The following MAT2A variants were observed in gnomAD, a reference collection of about 807,000 sequenced individuals.
The protein encoded by MAT2A is S-adenosylmethionine synthase isoform type-2.
MAT2A carries 3 observed loss-of-function variants against 43.9 expected under a neutral mutation model. The observed-to-expected ratio is 0.07, with a 90% confidence interval of 0.03 to 0.18. MAT2A has a LOEUF of 0.18. MAT2A is among the 10% of genes least tolerant of loss of function. MAT2A has a pLI of 1.00. For synonymous variants in MAT2A, 200 were observed against 168.4 expected, an observed-to-expected ratio of 1.19 and a Z score of -1.45; for missense variants, 204 against 489.0, an observed-to-expected ratio of 0.42 and a Z score of 5.50.
At chr2:85,542,828 T>G in intron 7 of MAT2A, 73 bp from the exon 8 acceptor site, 3 of 1,564,834 alleles carry the variant, frequency 1.9e-6, no homozygotes, top group Non-Finnish European at 2.6e-6. Context: ...AACTACTTGT[T>G]TTATACCAAC....
rs759221502 is a variant in MAT2A, at chr2:85,539,426, G to A, written c.91+48G>A. ...AGCGTGGGGCGGGGCAGAAGGCAGCGCCAAGGTCCGGCTGGCTGCGGCCGG... is the reference window on the plus strand; with the variant it reads ...AGCGTGGGGCGGGGCAGAAGGCAGCACCAAGGTCCGGCTGGCTGCGGCCGG... On this transcript the variant is annotated intron_variant, in intron 1 of 8. Coordinates refer to ENST00000306434, the MANE Select transcript of MAT2A (RefSeq NM_005911.6). 2.7e-6 allele frequency: 4 copies of A among 1,466,432 alleles called. No homozygotes were observed. In the African/African-American group the frequency reaches 4.4e-5, roughly 16 times the overall value. The allele number at this position is 1,466,432 out of a possible 1,614,324, so 90.8% of individuals were successfully genotyped here. A position where few individuals can be genotyped will look rare whatever the true frequency, so the allele number is the denominator to read the frequency against.
chr2:85,539,646 C>T (rs1283185230), intron 1 of MAT2A: 6 of 325,174 alleles, frequency 1.8e-5, no homozygotes, highest in Non-Finnish European at 3.4e-5. Flanking sequence ...TTCCAGAAAA[C>T]GTGAAGGGCG....
intron 5 of MAT2A, 23 bp downstream of exon 5, chr2:85,541,995 G>C (rs367951739): frequency 6.7e-5 from 108 of 1,606,858 alleles, no homozygotes; most frequent in Non-Finnish European, 9.1e-5. Context: ...CATAAAGCTT[G>C]GTTGTCTCAT....
chr2:85,543,225 T>C, intron 8 of MAT2A, 191 bp downstream of exon 8: 1 of 617,592 alleles, frequency 1.6e-6, no homozygotes, highest in Non-Finnish European at 2.8e-6. Flanking sequence ...ATTACGGTGC[T>C]CCATGGCTTA....
chr2:85,541,544 T>G, intron 3 of MAT2A, 89 bp from the exon 4 acceptor site: 2 of 1,300,406 alleles, frequency 1.5e-6, no homozygotes, highest in Non-Finnish European at 2.1e-6. Flanking sequence ...ATATTTGATT[T>G]CTTCAGCAGT....
Position 85,544,599 on chromosome 2 carries a change from T to C in MAT2A, c.*827T>C, listed in dbSNP as rs1256810184. The C allele has an allele frequency of 6.5e-6, 1 of 152,764 alleles. No individual in the cohort carries two copies. The highest frequency in any genetic ancestry group is 2.4e-5 in the African/African-American group (1 of 41,570). The allele number at this position is 152,764 out of a possible 1,614,324, so 9.5% of individuals were successfully genotyped here. ...GGCACTTGGCAGCCTTGTGATGTCATACAGAGAAGTCACAGGGCAGTACCT... is the reference window on the plus strand; with the variant it reads ...GGCACTTGGCAGCCTTGTGATGTCACACAGAGAAGTCACAGGGCAGTACCT... On this transcript the variant is annotated 3_prime_UTR_variant, in exon 9 of 9. Coordinates refer to ENST00000306434, the MANE Select transcript of MAT2A (RefSeq NM_005911.6).
intron 8 of MAT2A, 189 bp downstream of exon 8, chr2:85,543,223 G>A (rs1691523545): frequency 1.6e-6 from 1 of 617,824 alleles, no homozygotes; most frequent in Non-Finnish European, 2.8e-6. Context: ...AAATTACGGT[G>A]CTCCATGGCT....
At chr2:85,543,613 G>A in intron 8 of MAT2A, 57 bp from the exon 9 acceptor site, 2 of 1,065,582 alleles carry the variant, frequency 1.9e-6, no homozygotes, top group Non-Finnish European at 1.4e-6. Flanking sequence ...CTTGCTGATT[G>A]TTTTGCTTTA....
At position 85,542,762 on chromosome 2, in the gene MAT2A, T is replaced by C. The variant is rs1558798309; in HGVS notation, c.951+15T>C. On this transcript the variant is annotated intron_variant, in intron 7 of 8. Transcript: ENST00000306434. Reference sequence around the variant, plus strand: ...TTCTTGTTCAGGTATACACTCTTTATATAACGAACGATTAAAAGTCATGTA... The same window carrying C: ...TTCTTGTTCAGGTATACACTCTTTACATAACGAACGATTAAAAGTCATGTA... 2.5e-6 allele frequency: 4 copies of C among 1,592,048 alleles called. No homozygotes were observed. Among genetic ancestry groups the C allele is most frequent in the East Asian group, 2.2e-5 (1 of 44,608 alleles).
chr2:85,541,071 T>A lies in MAT2A; in HGVS notation c.92-12T>A. ...AGTTAAAGAAACTGAGCCAGGAATT[T>A]CTCTTTTCCAGATAAGATTTGTGAC... On this transcript the variant is annotated splice_polypyrimidine_tract_variant and intron_variant, in intron 1 of 8. Transcript: ENST00000306434. 1 of 1,599,214 alleles carries A rather than the reference T, an allele frequency of 6.3e-7. No individual in the cohort carries two copies. Among genetic ancestry groups the A allele is most frequent in the Non-Finnish European group, 8.5e-7 (1 of 1,170,242 alleles).
chr2:85,543,613 G>GT (rs1691534261), intron 8 of MAT2A, 57 bp from the exon 9 acceptor site: 2 of 1,065,584 alleles, frequency 1.9e-6, no homozygotes, highest in Admixed American at 2.3e-5. Flanking sequence ...CTTGCTGATT[G>GT]TTTTGCTTTA....
rs1253589625 is a variant in MAT2A, at chr2:85,542,349, C to T, written c.744C>T (p.Gly248=). ...CAATCTACCACCTACAGCCAAGTGG[C>T]AGATTTGTTATTGGTGGGCCTCAGG... ...EDTIYHLQPS[G]RFVIGGPQGD... is the part of the protein sequence containing the mutation. Residue 248 remains glycine, a synonymous_variant, in exon 6 of 9, where the codon GGC becomes GGT. Transcript: ENST00000306434. 1.2e-6 allele frequency: 2 copies of T among 1,613,970 alleles called. No homozygotes were observed. The highest frequency in any genetic ancestry group is 4.5e-5 in the East Asian group (2 of 44,900).
chr2:85,543,897 ACT>A lies in MAT2A; in HGVS notation c.*128_*129del, dbSNP rs1417193735. On this transcript the variant is annotated 3_prime_UTR_variant, in exon 9 of 9. Coordinates refer to ENST00000306434, the MANE Select transcript of MAT2A (RefSeq NM_005911.6). The stretch of plus-strand genomic sequence containing the variant: ...TTTCAGCTCCTGACCAGTTGCAGTC[ACT>A]CTAGTCAATGACATGAATTTTAGCT... 1.7e-6 allele frequency: 1 copy of A among 601,086 alleles called. No homozygotes were observed. The highest frequency in any genetic ancestry group is 3.0e-6 in the Non-Finnish European group (1 of 333,756). The allele number at this position is 601,086 out of a possible 1,614,324, so 37.2% of individuals were successfully genotyped here. A position where few individuals can be genotyped will look rare whatever the true frequency, so the allele number is the denominator to read the frequency against.
chr2:85,542,519 C>A, intron 6 of MAT2A, 46 bp from the exon 7 acceptor site: 1 of 1,573,860 alleles, frequency 6.4e-7, no homozygotes, highest in Non-Finnish European at 8.7e-7. Flanking sequence ...ACCTAATCCA[C>A]TTGGAAAGCA....
chr2:85,543,894 G>A lies in MAT2A; in HGVS notation c.*122G>A, dbSNP rs1417541111. 5 of 603,804 alleles carry A rather than the reference G, an allele frequency of 8.3e-6. No homozygotes were observed. The highest frequency in any genetic ancestry group is 6.4e-5 in the Admixed American group (2 of 31,116). The allele number at this position is 603,804 out of a possible 1,614,324, so 37.4% of individuals were successfully genotyped here. On this transcript the variant is annotated 3_prime_UTR_variant, in exon 9 of 9. Transcript: ENST00000306434. ...CTCTTTCAGCTCCTGACCAGTTGCA[G>A]TCACTCTAGTCAATGACATGAATTT...
At position 85,542,963 on chromosome 2, in the gene MAT2A, T is replaced by G. The variant is rs973624970; in HGVS notation, c.1014T>G (p.Ser338=). Residue 338 remains serine, a synonymous_variant, in exon 8 of 9, where the codon TCT becomes TCG. Coordinates refer to ENST00000306434, the MANE Select transcript of MAT2A (RefSeq NM_005911.6). ...TCTCCATTTTCCATTATGGTACCTC[T>G]CAGAAGAGTGAGAGAGAGCTATTAG... is the stretch of plus-strand genomic sequence containing the variant. ...LSISIFHYGT[S]QKSERELLEI... is the part of the protein sequence containing the mutation. 5 of 1,613,838 alleles carry G rather than the reference T, an allele frequency of 3.1e-6. No homozygotes were observed. The highest frequency in any genetic ancestry group is 4.2e-6 in the Non-Finnish European group (5 of 1,179,954).
At chr2:85,542,518 A>T in intron 6 of MAT2A, 47 bp from the exon 7 acceptor site, 1 of 1,570,480 alleles carries the variant, frequency 6.4e-7, no homozygotes. Context: ...AACCTAATCC[A>T]CTTGGAAAGC....
chr2:85,542,857 G>C, intron 7 of MAT2A, 44 bp from the exon 8 acceptor site: 1 of 1,597,272 alleles, frequency 6.3e-7, no homozygotes. Context: ...CAAGTATATG[G>C]GTCTTTGCAA....
rs558509493 is a variant in MAT2A, at chr2:85,539,185, C to A, written c.-103C>A. The A allele has an allele frequency of 2.4e-6, 2 of 826,816 alleles. No homozygotes were observed. The highest frequency in any genetic ancestry group is 3.9e-6 in the Non-Finnish European group (2 of 518,056). 51.2% of individuals were successfully genotyped at this position (826,816 alleles called of 1,614,324 possible). A position where few individuals can be genotyped will look rare whatever the true frequency, so the allele number is the denominator to read the frequency against. On this transcript the variant is annotated 5_prime_UTR_variant, in exon 1 of 9. Transcript: ENST00000306434. Reference sequence around the variant, plus strand: ...GCTGCTTCGTTCGCTCCGCGCCGCCCGCCTGCTACGAGTAGAACGCTGTCC... The same window carrying A: ...GCTGCTTCGTTCGCTCCGCGCCGCCAGCCTGCTACGAGTAGAACGCTGTCC...
Sources: gnomAD v4.1 joint callset for allele counts on GRCh38, gnomAD v4.1.1 for gene constraint, MANE v1.5 for transcripts, NCBI Gene and HGNC (gene_info 2026-07-23, HGNC 2026-07-21) for gene names.